Variants in CDH9 observed in about 807,000 individuals in gnomAD.
CDH9 encodes the protein cadherin 9.
A neutral mutation model predicts 70.9 loss-of-function variants in CDH9; 28 were observed. The observed-to-expected ratio is 0.40, with a 90% confidence interval of 0.29 to 0.54. The LOEUF (loss-of-function observed/expected upper bound fraction) is 0.54, where lower values mean the gene tolerates loss of function less well. CDH9 is among the 20% of genes least tolerant of loss of function. The pLI, the probability that CDH9 is intolerant of heterozygous loss-of-function variation, is 0.59. For synonymous variants in CDH9, 409 were observed against 343.1 expected, an observed-to-expected ratio of 1.19 and a Z score of -2.12; for missense variants, 874 against 984.4, an observed-to-expected ratio of 0.89 and a Z score of 1.50.
chr5:27,036,763 T>C (rs1054139218), intron 1 of CDH9, among the ~76,000 whole-genome samples: 1 of 151,880 alleles, frequency 6.6e-6, no homozygotes, highest in Non-Finnish European at 1.5e-5. Flanking sequence ...ATAGAGATGT[T>C]GGTATTTCAA....
intron 1 of CDH9, among the ~76,000 whole-genome samples, chr5:27,027,624 G>A (rs1341438920): frequency 6.6e-6 from 1 of 151,980 alleles, no homozygotes; most frequent in East Asian, 1.9e-4. Flanking sequence ...TTTGTAAGTA[G>A]GATATCTGGC....
chr5:27,003,395 G>A (rs574252058), intron 1 of CDH9, among the ~76,000 whole-genome samples: 92 of 152,184 alleles, frequency 6.0e-4, no homozygotes, highest in Middle Eastern at 3.4e-3. Flanking sequence ...CTAAGTGTAG[G>A]ATGCACAGAG....
intron 2 of CDH9, among the ~76,000 whole-genome samples, chr5:26,932,218 A>T (rs936343965): frequency 7.2e-5 from 11 of 152,214 alleles, no homozygotes; most frequent in Admixed American, 6.6e-4. Context: ...AAAACAGAAC[A>T]AGAGAGACAC....
At chr5:26,893,900 T>TTCAA (rs1000612435) in intron 7 of CDH9, among the ~76,000 whole-genome samples, 27 of 152,088 alleles carry the variant, frequency 1.8e-4, no homozygotes, top group Non-Finnish European at 4.4e-5. Flanking sequence ...ACCTATAGGT[T>TTCAA]TCAACCCTTT....
intron 2 of CDH9, among the ~76,000 whole-genome samples, chr5:26,974,538 C>T (rs1382705489): frequency 6.6e-6 from 1 of 152,046 alleles, no homozygotes; most frequent in Non-Finnish European, 1.5e-5. Flanking sequence ...AAATGTGTGC[C>T]AGGCACTGAA....
intron 2 of CDH9, among the ~76,000 whole-genome samples, chr5:26,969,326 G>A (rs949014651): frequency 1.4e-4 from 21 of 152,046 alleles, no homozygotes; most frequent in African/African-American, 4.6e-4. Context: ...TAGCTAAAAT[G>A]TACTTCATAA....
intron 1 of CDH9, among the ~76,000 whole-genome samples, chr5:27,025,131 T>A (rs984586995): frequency 6.6e-6 from 1 of 152,084 alleles, no homozygotes; most frequent in Non-Finnish European, 1.5e-5. Flanking sequence ...AAATGTGTAA[T>A]CTATTGTGTA....
intron 2 of CDH9, among the ~76,000 whole-genome samples, chr5:26,921,898 A>C (rs959810638): frequency 2.7e-4 from 41 of 152,282 alleles, no homozygotes; most frequent in African/African-American, 9.4e-4. Context: ...AAGAGGAATC[A>C]AGCAGAAATT....
chr5:26,969,172 G>A (rs1742176836), intron 2 of CDH9, among the ~76,000 whole-genome samples: 1 of 151,988 alleles, frequency 6.6e-6, no homozygotes. Context: ...ATTATCACTA[G>A]CTATTTTATT....
Position 26,903,779 on chromosome 5 carries a change from T to C in CDH9, c.857A>G (p.His286Arg), listed in dbSNP as rs755158803. 6.2e-7 allele frequency: 1 copy of C among 1,606,968 alleles called. No homozygotes were observed. The highest frequency in any genetic ancestry group is 8.5e-7 in the Non-Finnish European group (1 of 1,175,934). ...GTCATTGGCTTTTATCCTTCCAAGA[T>C]GAGTTCCAAGAGGTACAGACTCAGG... ...NSPESVPLGT[H>R]LGRIKANDPD... The change falls in exon 6 of 12, where the codon CAT (histidine) becomes CGT (arginine). Residue 286 changes from histidine to arginine, a missense_variant. Physicochemically the swap from His to Arg is conservative, Grantham distance 29. Coordinates refer to ENST00000231021, the MANE Select transcript of CDH9 (RefSeq NM_016279.4).
At chr5:27,005,572 G>T (rs1260853727) in intron 1 of CDH9, among the ~76,000 whole-genome samples, 1 of 152,126 alleles carries the variant, frequency 6.6e-6, no homozygotes, top group Non-Finnish European at 1.5e-5. Flanking sequence ...TGGTGGGGGT[G>T]TAAACTAGTT....
Position 26,930,080 on chromosome 5 carries a change from G to A in CDH9, c.229-14156C>T, listed in dbSNP as rs533983112. Among the ~76,000 whole-genome samples the A allele has an allele frequency of 1.8e-4, 28 of 152,078 alleles. No homozygotes were observed. The South Asian group carries it at 5.4e-3, about 29-fold the overall frequency. On this transcript the variant is annotated intron_variant, in intron 2 of 11. Transcript: ENST00000231021. ...CTGATGTGATTATTGTGCATTGTAT[G>A]CCTGTATCAAAATATCTCATGTGCC...
At position 27,035,070 on chromosome 5, in the gene CDH9, A is replaced by G. The variant is rs919618620; in HGVS notation, c.-50+3393T>C. ...CTATCATCTATGTATTTATCTATCT[A>G]TCCTCTATGTATCTGTCTATCATCT... On this transcript the variant is annotated intron_variant, in intron 1 of 11. Transcript: ENST00000231021. 5.3e-5 allele frequency among the ~76,000 whole-genome samples: 8 copies of G among 150,822 alleles called. 1 individual carries two copies. Among genetic ancestry groups the G allele is most frequent in the Non-Finnish European group, 1.2e-4 (8 of 67,570 alleles).
intron 2 of CDH9, among the ~76,000 whole-genome samples, chr5:26,939,902 C>A (rs1741629784): frequency 6.6e-6 from 1 of 152,034 alleles, no homozygotes; most frequent in Non-Finnish European, 1.5e-5. Flanking sequence ...GTAATCCCAG[C>A]ACTTTGGGAG....
intron 1 of CDH9, among the ~76,000 whole-genome samples, chr5:27,029,571 G>A (rs1017625891): frequency 4.6e-5 from 7 of 151,940 alleles, no homozygotes; most frequent in Admixed American, 6.6e-5. Context: ...TCTTCCCAGC[G>A]CAGCAGGTGC....
At chr5:26,999,042 C>T (rs959566758) in intron 1 of CDH9, among the ~76,000 whole-genome samples, 14 of 151,906 alleles carry the variant, frequency 9.2e-5, no homozygotes, top group South Asian at 2.1e-4. Flanking sequence ...GCCAGGAGAT[C>T]GAGACCATCC....
intron 2 of CDH9, among the ~76,000 whole-genome samples, chr5:26,919,180 G>T (rs958819182): frequency 2.0e-5 from 3 of 152,270 alleles, no homozygotes; most frequent in Non-Finnish European, 4.4e-5. Context: ...AGGTAGAAAA[G>T]ACAGTCTTGA....
At chr5:26,972,904 C>A (rs141352082) in intron 2 of CDH9, among the ~76,000 whole-genome samples, 2,666 of 151,354 alleles carry the variant, frequency 0.018, 93 homozygotes, top group African/African-American at 0.061. Context: ...CGCTCTGTCA[C>A]CCAGGCTAGA....
chr5:26,938,091 G>A (rs1267750910), intron 2 of CDH9, among the ~76,000 whole-genome samples: 1 of 151,470 alleles, frequency 6.6e-6, no homozygotes, highest in Non-Finnish European at 1.5e-5. Context: ...GTAGAGGGAG[G>A]ATATAGAAAC....
Sources: gnomAD v4.1 joint callset for allele counts (sites outside exome capture counted in the v4.1 genomes callset) on GRCh38, gnomAD v4.1.1 for gene constraint, MANE v1.5 for transcripts, NCBI Gene and HGNC (gene_info 2026-07-23, HGNC 2026-07-21) for gene names.